PDPR: variants seen among roughly 807,000 people sequenced by gnomAD.
The protein encoded by PDPR is pyruvate dehydrogenase phosphatase regulatory subunit.
PDPR carries 50 observed loss-of-function variants against 102.2 expected under a neutral mutation model. The observed-to-expected ratio is 0.49, with a 90% CI of 0.39 to 0.62. PDPR has a LOEUF of 0.62. Ranked by LOEUF, PDPR falls within the 20% of genes least tolerant of loss-of-function variation. PDPR has a pLI of 0.00. For synonymous variants in PDPR, 259 were observed against 406.0 expected (o/e 0.64, Z 4.35); for missense variants, 625 against 1,098.2 (o/e 0.57, Z 6.09).
At chr16:70,151,963 A>AT (rs1401776953) in intron 17 of PDPR, among the ~76,000 whole-genome samples, 4 of 152,410 alleles carry the variant, frequency 2.6e-5, no homozygotes, top group African/African-American at 9.6e-5. Context: ...TTTTCCCAGC[A>AT]TTAGTCACGT....
At chr16:70,115,565 T>C (rs1377260363) in intron 2 of PDPR, among the ~76,000 whole-genome samples, 6 of 152,216 alleles carry the variant, frequency 3.9e-5, no homozygotes, top group Admixed American at 3.9e-4. Context: ...GTGGTTCTTT[T>C]GCTGAGGCAA....
chr16:70,152,851 A>G (rs575097866), intron 17 of PDPR, among the ~76,000 whole-genome samples: 325 of 152,350 alleles, frequency 2.1e-3, no homozygotes, highest in Middle Eastern at 0.01. Context: ...GAGAGCCTGA[A>G]TGCTGTGGGA....
At chr16:70,125,575 G>GTATATATA (rs60529473) in intron 3 of PDPR, among the ~76,000 whole-genome samples, 101 of 136,086 alleles carry the variant, frequency 7.4e-4, no homozygotes, top group Middle Eastern at 3.7e-3. Flanking sequence ...AAAAAAAAAA[G>GTATATATA]TATATATATA....
Position 70,159,081 on chromosome 16 carries a change from A to AT in PDPR, c.*2202_*2203insT, listed in dbSNP as rs1172635894. 2 of 152,478 alleles carry AT rather than the reference A, an allele frequency of 1.3e-5. No homozygotes were observed. Among genetic ancestry groups the AT allele is most frequent in the South Asian group, 4.1e-4 (2 of 4,832 alleles). The allele number at this position is 152,478 out of a possible 1,614,324, so 9.4% of individuals were successfully genotyped here. A position where few individuals can be genotyped will look rare whatever the true frequency, so the allele number is the denominator to read the frequency against. ...TTTAAAATCGAATAGTGCCATCATC[A>AT]CAGTATATTAGTCAAATAGAAGCTT... is the stretch of plus-strand genomic sequence containing the variant. On this transcript the variant is annotated 3_prime_UTR_variant, in exon 19 of 19. Transcript: ENST00000288050.
At chr16:70,122,795 C>G (rs1263178424) in intron 3 of PDPR, among the ~76,000 whole-genome samples, 1 of 152,156 alleles carries the variant, frequency 6.6e-6, no homozygotes, top group Non-Finnish European at 1.5e-5. Context: ...ATATTACTGT[C>G]AGGAAGAGAT....
At chr16:70,155,177 G>A (rs576281047) in intron 18 of PDPR, among the ~76,000 whole-genome samples, 1 of 151,520 alleles carries the variant, frequency 6.6e-6, no homozygotes, top group Admixed American at 6.6e-5. Flanking sequence ...GGGTGACAGA[G>A]CAAGGCTCCA....
In PDPR at chr16:70,161,680, A is replaced by G. The variant is rs1967805488; in HGVS notation, c.*4801A>G. 6.6e-6 allele frequency: 1 copy of G among 152,626 alleles called. No homozygotes were observed. The highest frequency in any genetic ancestry group is 2.4e-5 in the African/African-American group (1 of 41,474). The allele number at this position is 152,626 out of a possible 1,614,324, so 9.5% of individuals were successfully genotyped here. A position where few individuals can be genotyped will look rare whatever the true frequency, so the allele number is the denominator to read the frequency against. On this transcript the variant is annotated 3_prime_UTR_variant, in exon 19 of 19. Coordinates refer to ENST00000288050, the MANE Select transcript of PDPR (RefSeq NM_017990.5). ...CGCCTTTGTAGCCCTGATCACTACC[A>G]GTACACTTTTCAAGACAACTGAGTA...
At chr16:70,150,516 A>G (rs984889031) in intron 17 of PDPR, among the ~76,000 whole-genome samples, 27 of 145,858 alleles carry the variant, frequency 1.9e-4, no homozygotes, top group African/African-American at 6.9e-4. Context: ...ACTTGTAGTG[A>G]TAGGTTTTCT....
At position 70,142,365 on chromosome 16, in the gene PDPR, A is replaced by G. The variant is rs201436371; in HGVS notation, c.1447A>G (p.Lys483Glu). 313 of 1,613,818 alleles carry G rather than the reference A, an allele frequency of 1.9e-4. No homozygotes were observed. The African/African-American group carries it at 3.2e-3, about 17-fold the overall frequency. ...WMEKHGFERPKYFVPPDKDLL... is the reference protein window; with the variant it reads ...WMEKHGFERPEYFVPPDKDLL... Reference sequence around the variant, plus strand: ...GGAGAAACATGGATTTGAGAGGCCAAAGTACTTTGTTCCCCCCGACAAGGG... The same window carrying G: ...GGAGAAACATGGATTTGAGAGGCCAGAGTACTTTGTTCCCCCCGACAAGGG... The change falls in exon 12 of 19, where the codon AAG becomes GAG. Residue 483 changes from lysine (K) to glutamate (E), a missense_variant. Lys to Glu is a moderately conservative substitution (Grantham distance 56, BLOSUM62 1). This residue lies in a region of PDPR where 34 missense variants were observed against 76.6 expected (regional missense o/e 0.44). Coordinates refer to ENST00000288050, the MANE Select transcript of PDPR (RefSeq NM_017990.5).
intron 6 of PDPR, among the ~76,000 whole-genome samples, chr16:70,129,814 G>A (rs1964356195): frequency 1.3e-5 from 2 of 152,278 alleles, no homozygotes; most frequent in Admixed American, 1.3e-4. Context: ...TCCATGGTAT[G>A]AGCAGGTTAG....
At chr16:70,137,663 A>G (rs952224311) in intron 10 of PDPR, among the ~76,000 whole-genome samples, 9 of 152,276 alleles carry the variant, frequency 5.9e-5, no homozygotes, top group Admixed American at 2.6e-4. Context: ...GGTAGCCACG[A>G]TGAAAAGTTT....
chr16:70,127,409 C>A lies in PDPR; in HGVS notation c.361+16C>A, dbSNP rs1356075631. On this transcript the variant is annotated intron_variant, in intron 4 of 18. Transcript: ENST00000288050. ...ATCCAAACAGGTAAGCAAGTGTCTT[C>A]CATTTATTGCTTTGCCTGTCCCTGA... 1.2e-6 allele frequency: 2 copies of A among 1,602,834 alleles called. No homozygotes were observed. Among genetic ancestry groups the A allele is most frequent in the Non-Finnish European group, 1.7e-6 (2 of 1,175,908 alleles).
chr16:70,119,800 A>G (rs1159406681), intron 2 of PDPR, among the ~76,000 whole-genome samples: 2 of 149,652 alleles, frequency 1.3e-5, no homozygotes, highest in Non-Finnish European at 2.9e-5. Context: ...ACACACGCAA[A>G]CTCTCAAATG....
chr16:70,139,334 G>C (rs1156915353), intron 11 of PDPR, among the ~76,000 whole-genome samples: 2 of 152,180 alleles, frequency 1.3e-5, no homozygotes, highest in Non-Finnish European at 2.9e-5. Context: ...TTGAGAGACC[G>C]TATGTCGAAG....
chr16:70,125,466 A>C (rs529786866), intron 3 of PDPR, among the ~76,000 whole-genome samples: 486 of 151,608 alleles, frequency 3.2e-3, no homozygotes, highest in South Asian at 8.9e-3. Context: ...AGGCAGGAGA[A>C]TAGCTTGAAC....
chr16:70,154,415 A>G (rs1966887041), intron 18 of PDPR, among the ~76,000 whole-genome samples: 1 of 152,286 alleles, frequency 6.6e-6, no homozygotes, highest in Admixed American at 6.5e-5. Flanking sequence ...AGGCCAAGGC[A>G]GGAGGATCAC....
chr16:70,151,062 G>A (rs1340909593), intron 17 of PDPR, among the ~76,000 whole-genome samples: 5 of 152,220 alleles, frequency 3.3e-5, no homozygotes, highest in South Asian at 2.1e-4. Context: ...AGCCTCCTGA[G>A]TAGCTGGGAC....
At chr16:70,134,257 G>C (rs1264337328) in intron 9 of PDPR, among the ~76,000 whole-genome samples, 2 of 151,844 alleles carry the variant, frequency 1.3e-5, no homozygotes, top group African/African-American at 4.8e-5. Flanking sequence ...ATGGAGTCTT[G>C]CTCTGTTGCC....
At chr16:70,127,994 G>C (rs1288030990) in intron 4 of PDPR, among the ~76,000 whole-genome samples, 1 of 152,120 alleles carries the variant, frequency 6.6e-6, no homozygotes, top group Non-Finnish European at 1.5e-5. Flanking sequence ...ATTCACCTAC[G>C]TGCTCAAGAC....
Sources: gnomAD v4.1 joint callset for allele counts (sites outside exome capture counted in the v4.1 genomes callset) on GRCh38, gnomAD v4.1.1 for gene constraint, gnomAD v4.1.1 regional missense constraint, MANE v1.5 for transcripts, NCBI Gene and HGNC (gene_info 2026-07-23, HGNC 2026-07-21) for gene names.